Variants in EFHC2 observed in about 807,000 individuals in gnomAD.
The protein encoded by EFHC2 is EF-hand domain containing 2, also known as EF-hand domain-containing family member C2.
EFHC2 carries 18 observed loss-of-function variants against 52.7 expected under a neutral mutation model. The ratio of observed to expected loss-of-function variants is 0.34; its 90% CI spans 0.24 to 0.51. The LOEUF (loss-of-function observed/expected upper bound fraction) is 0.51, where lower values mean the gene tolerates loss of function less well. Among genes scored for constraint, EFHC2 ranks in the 20% least tolerant of loss-of-function variants. The probability of loss-of-function intolerance (pLI) is 0.97; values close to 1 mark genes in which losing one functional copy is unlikely to be tolerated. For synonymous variants in EFHC2, 203 were observed against 204.1 expected, an observed-to-expected ratio of 0.99 and a Z score of 0.04; for missense variants, 513 against 562.5, an observed-to-expected ratio of 0.91 and a Z score of 0.89.
chrX:44,320,184 C>T (rs1602216173), intron 1 of EFHC2, among the ~76,000 whole-genome samples: 1 of 112,103 alleles, frequency 8.9e-6, no homozygotes, highest in African/African-American at 3.2e-5. Context: ...CTCAGGTGAT[C>T]CACCCACCCT....
chrX:44,178,439 T>C lies in EFHC2; in HGVS notation c.1877A>G (p.Glu626Gly), dbSNP rs1422315845. 8 of 1,204,797 alleles carry C rather than the reference T, an allele frequency of 6.6e-6. No homozygotes were observed. The highest frequency in any genetic ancestry group is 9.0e-6 in the Non-Finnish European group (8 of 892,192). Residue 626 changes from glutamate to glycine, a missense_variant, in exon 12 of 15, where the codon GAA becomes GGA. Transcript: ENST00000420999. ...CTCAAACATATTTTTCTTGAACTTT[T>C]CGTGGGCCAGTGCGATTAAGAAATC... The part of the protein sequence containing the change: ...DMDFLIALAH[E>G]KFKKNMFENF...
chrX:44,290,779 T>C (rs983037593), intron 2 of EFHC2, among the ~76,000 whole-genome samples: 1 of 111,812 alleles, frequency 8.9e-6, no homozygotes, highest in African/African-American at 3.3e-5. Flanking sequence ...CCAGGAAGAG[T>C]GGCCAGTCCT....
chrX:44,340,037 C>G (rs762056935), intron 1 of EFHC2, among the ~76,000 whole-genome samples: 6 of 111,025 alleles, frequency 5.4e-5, no homozygotes, highest in African/African-American at 2.0e-4. Context: ...TACACACATG[C>G]ACGCACACAC....
chrX:44,325,363 A>T (rs2038045609), intron 1 of EFHC2, among the ~76,000 whole-genome samples: 1 of 110,664 alleles, frequency 9.0e-6, no homozygotes, highest in Non-Finnish European at 1.9e-5. Context: ...TTAGCAAATG[A>T]TAAAGTTAGG....
At chrX:44,310,288 C>T in intron 2 of EFHC2, 3 of 1,022,884 alleles carry the variant, frequency 2.9e-6, no homozygotes, top group South Asian at 3.8e-5. Flanking sequence ...ACGCCGGGGG[C>T]AGCTGCTTTA....
At chrX:44,271,973 C>T (rs2037620612) in intron 3 of EFHC2, among the ~76,000 whole-genome samples, 1 of 112,257 alleles carries the variant, frequency 8.9e-6, no homozygotes, top group Non-Finnish European at 1.9e-5. Flanking sequence ...AGTTCTTTCA[C>T]CGTCATAGTT....
At chrX:44,333,327 G>A (rs749762646) in intron 1 of EFHC2, among the ~76,000 whole-genome samples, 2 of 111,121 alleles carry the variant, frequency 1.8e-5, no homozygotes, top group African/African-American at 6.5e-5. Context: ...AAGTTTTGAG[G>A]GAAGGTCAGG....
chrX:44,168,482 A>T (rs1456160973), intron 13 of EFHC2, among the ~76,000 whole-genome samples: 1 of 108,950 alleles, frequency 9.2e-6, no homozygotes, highest in Non-Finnish European at 1.9e-5. Context: ...CAGTGAGCCG[A>T]GATTGCGCCA....
chrX:44,315,854 T>C (rs2037979744), intron 1 of EFHC2, among the ~76,000 whole-genome samples: 1 of 111,433 alleles, frequency 9.0e-6, no homozygotes, highest in Admixed American at 9.6e-5. Context: ...AGGTCAAGTT[T>C]GGAAGGAGGG....
chrX:44,225,428 T>C (rs1444792898), intron 11 of EFHC2, among the ~76,000 whole-genome samples: 1 of 110,068 alleles, frequency 9.1e-6, no homozygotes, highest in African/African-American at 3.3e-5. Flanking sequence ...AAAGTTTTTC[T>C]GAGAGGAGAT....
chrX:44,148,226 C>CGTGA lies in EFHC2; in HGVS notation c.*568_*569insTCAC, dbSNP rs760013902. 1.1e-5 allele frequency: 1 copy of CGTGA among 94,878 alleles called. No homozygotes were observed. 7.8% of individuals were successfully genotyped at this position (94,878 alleles called of 1,213,427 possible). A position where few individuals can be genotyped will look rare whatever the true frequency, so the allele number is the denominator to read the frequency against. ...TGCATATGTTTCCAGTGTGTGTGCA[C>CGTGA]GTGCGTGTGTGTGTGTGTGTGTGTG... is the stretch of plus-strand genomic sequence containing the variant. On this transcript the variant is annotated 3_prime_UTR_variant, in exon 15 of 15. Coordinates refer to ENST00000420999, the MANE Select transcript of EFHC2 (RefSeq NM_025184.4).
At chrX:44,157,114 C>T (rs2036612624) in intron 14 of EFHC2, among the ~76,000 whole-genome samples, 1 of 112,390 alleles carries the variant, frequency 8.9e-6, no homozygotes, top group African/African-American at 3.2e-5. Context: ...CACCAAAGGA[C>T]AGTAGGACTA....
intron 2 of EFHC2, among the ~76,000 whole-genome samples, chrX:44,302,816 T>C (rs1024842668): frequency 8.9e-6 from 1 of 112,220 alleles, no homozygotes; most frequent in African/African-American, 3.2e-5. Flanking sequence ...TATAAACCTA[T>C]AGAAAGATTT....
rs577042186 is a variant in EFHC2 at position 44,316,269 on chromosome X, A to G, written c.43-3513T>C. On this transcript the variant is annotated intron_variant, in intron 1 of 14. Coordinates refer to ENST00000420999, the MANE Select transcript of EFHC2 (RefSeq NM_025184.4). ...CTGGTCAGGCTATACTTCTACACAA[A>G]CCCCTCTCCCCACCAAGGGTCAGCT... Among the ~76,000 whole-genome samples, 27 of 111,122 alleles carry G rather than the reference A, an allele frequency of 2.4e-4. No homozygotes were observed. The South Asian group carries it at 8.4e-3, about 34-fold the overall frequency.
At chrX:44,198,331 C>T (rs2036980606) in intron 11 of EFHC2, among the ~76,000 whole-genome samples, 1 of 111,412 alleles carries the variant, frequency 9.0e-6, no homozygotes, top group African/African-American at 3.3e-5. Flanking sequence ...AATGGATGTG[C>T]TTCAAAAATA....
At chrX:44,191,258 AGAGTTTTACTCTTGTTGCC>A (rs1305773166) in intron 11 of EFHC2, among the ~76,000 whole-genome samples, 1 of 110,683 alleles carries the variant, frequency 9.0e-6, no homozygotes, top group Non-Finnish European at 1.9e-5. Context: ...TTTTTGAGAC[AGAGTTTTACTCTTGTTGCC>A]CAGGCTGGAG....
At chrX:44,261,386 T>C in intron 3 of EFHC2, 88 bp from the exon 4 acceptor site, 1 of 810,354 alleles carries the variant, frequency 1.2e-6, no homozygotes. Flanking sequence ...CTGAATACTT[T>C]CCCGCAACAG....
chrX:44,292,922 A>G (rs1870095199), intron 2 of EFHC2, among the ~76,000 whole-genome samples: 1 of 110,224 alleles, frequency 9.1e-6, no homozygotes, highest in Non-Finnish European at 1.9e-5. Context: ...ACCATGAACC[A>G]ACTAAACCTC....
chrX:44,236,097 T>C (rs992277199), intron 8 of EFHC2, among the ~76,000 whole-genome samples: 2 of 111,721 alleles, frequency 1.8e-5, no homozygotes, highest in African/African-American at 6.5e-5. Context: ...AAAGATTGTC[T>C]TATTAACCAT....
Sources: allele counts gnomAD v4.1 joint callset (sites outside exome capture counted in the v4.1 genomes callset), GRCh38; gene constraint gnomAD v4.1.1; transcripts MANE v1.5; gene names NCBI Gene and HGNC (gene_info 2026-07-23, HGNC 2026-07-21).